COTL1: variants seen among roughly 807,000 people sequenced by gnomAD.
COTL1 encodes coactosin like F-actin binding protein 1, also known as coactosin-like protein.
In COTL1, 15 loss-of-function variants were observed where a neutral mutation model predicts 16.5. The ratio of observed to expected loss-of-function variants is 0.91; its 90% confidence interval spans 0.61 to 1.40. COTL1 has a LOEUF of 1.40. Among genes scored for constraint, COTL1 ranks in the 40% most tolerant of loss-of-function variants. The pLI, the probability that COTL1 is intolerant of heterozygous loss-of-function variation, is 0.00. For synonymous variants in COTL1, 112 were observed against 85.3 expected, an observed-to-expected ratio of 1.31 and a Z score of -1.73; for missense variants, 220 against 201.5, an observed-to-expected ratio of 1.09 and a Z score of -0.56.
At chr16:84,579,823 A>C (rs1031108864) in intron 3 of COTL1, among the ~76,000 whole-genome samples, 1 of 152,194 alleles carries the variant, frequency 6.6e-6, no homozygotes, top group Non-Finnish European at 1.5e-5. Flanking sequence ...GGAAGAGAAG[A>C]GGGGGAGGAA....
intron 3 of COTL1, among the ~76,000 whole-genome samples, chr16:84,583,279 T>A (rs12325555): frequency 6.6e-6 from 1 of 151,990 alleles, no homozygotes; most frequent in Non-Finnish European, 1.5e-5. Flanking sequence ...GAAGGACAAA[T>A]GATTTAATAC....
intron 3 of COTL1, chr16:84,576,465 C>T (rs1904456232): frequency 6.6e-6 from 1 of 152,188 alleles, no homozygotes; most frequent in African/African-American, 2.4e-5. Flanking sequence ...CATTAATAAA[C>T]ACCTGTCATA....
chr16:84,606,770 C>T (rs776941757), intron 2 of COTL1, among the ~76,000 whole-genome samples: 1 of 152,184 alleles, frequency 6.6e-6, no homozygotes, highest in Non-Finnish European at 1.5e-5. Flanking sequence ...GCTACGTGCC[C>T]CCGCCTCCCA....
chr16:84,615,056 G>T (rs1390000821), intron 2 of COTL1, among the ~76,000 whole-genome samples: 1 of 152,226 alleles, frequency 6.6e-6, no homozygotes, highest in Non-Finnish European at 1.5e-5. Context: ...GGCACGTCGA[G>T]CGTGGTGACT....
intron 3 of COTL1, among the ~76,000 whole-genome samples, chr16:84,582,145 C>T (rs1020466070): frequency 6.6e-6 from 1 of 151,832 alleles, no homozygotes; most frequent in African/African-American, 2.4e-5. Flanking sequence ...CAGGCACATG[C>T]CACCATATCC....
intron 3 of COTL1, among the ~76,000 whole-genome samples, chr16:84,570,415 A>G (rs1254029092): frequency 6.6e-6 from 1 of 152,200 alleles, no homozygotes; most frequent in African/African-American, 2.4e-5. Context: ...CAGACAGCAG[A>G]TCTAGTAAAA....
chr16:84,580,442 G>A (rs1904557591), intron 3 of COTL1, among the ~76,000 whole-genome samples: 1 of 152,040 alleles, frequency 6.6e-6, no homozygotes, highest in African/African-American at 2.4e-5. Flanking sequence ...GTAGCAGCAG[G>A]GTCTCACTAT....
At chr16:84,573,586 C>T (rs558916873) in intron 3 of COTL1, among the ~76,000 whole-genome samples, 227 of 152,126 alleles carry the variant, frequency 1.5e-3, no homozygotes, top group African/African-American at 5.2e-3. Context: ...GCCAGCCTGG[C>T]CAACATGGTG....
intron 2 of COTL1, among the ~76,000 whole-genome samples, chr16:84,614,528 G>A (rs1004935607): frequency 3.3e-5 from 5 of 152,096 alleles, no homozygotes; most frequent in Admixed American, 3.3e-4. Flanking sequence ...AGCCTGAGGT[G>A]GGAGGGCCAG....
chr16:84,616,698 C>T (rs1232679834), intron 2 of COTL1, among the ~76,000 whole-genome samples: 1 of 152,052 alleles, frequency 6.6e-6, no homozygotes, highest in Non-Finnish European at 1.5e-5. Context: ...CTGCCACTAC[C>T]GAAGGGTTTA....
intron 2 of COTL1, among the ~76,000 whole-genome samples, chr16:84,592,449 G>A (rs1227128811): frequency 6.6e-6 from 1 of 152,064 alleles, no homozygotes; most frequent in East Asian, 1.9e-4. Context: ...TGATATCGTA[G>A]AGCGATATGT....
Position 84,617,491 on chromosome 16 carries a change from G to C in COTL1, c.160+10C>G. ...GACCGCGCATCCGCCCGGCAGGCGCGCCTCCCTACCTGTGCACTGCTGGAT... is the reference window on the plus strand; with the variant it reads ...GACCGCGCATCCGCCCGGCAGGCGCCCCTCCCTACCTGTGCACTGCTGGAT... On this transcript the variant is annotated intron_variant, in intron 2 of 3. Transcript: ENST00000262428. 1 of 1,548,622 alleles carries C rather than the reference G, an allele frequency of 6.5e-7. No individual in the cohort carries two copies. Among genetic ancestry groups the C allele is most frequent in the Non-Finnish European group, 8.7e-7 (1 of 1,145,414 alleles).
At chr16:84,607,743 G>T (rs1257414789) in intron 2 of COTL1, among the ~76,000 whole-genome samples, 1 of 152,058 alleles carries the variant, frequency 6.6e-6, no homozygotes, top group Non-Finnish European at 1.5e-5. Flanking sequence ...TGACCTGAAG[G>T]TTAGAAAGCC....
chr16:84,613,248 C>A (rs186261222), intron 2 of COTL1, among the ~76,000 whole-genome samples: 90 of 152,252 alleles, frequency 5.9e-4, no homozygotes, highest in African/African-American at 2.0e-3. Flanking sequence ...GATCCACCTG[C>A]CTTGGCCTCC....
intron 2 of COTL1, among the ~76,000 whole-genome samples, chr16:84,598,082 G>A (rs1045218576): frequency 2.0e-5 from 3 of 152,202 alleles, no homozygotes; most frequent in Non-Finnish European, 4.4e-5. Flanking sequence ...TCCTGAGGAC[G>A]GTGGTTTCCT....
At chr16:84,579,318 A>G (rs576263787) in intron 3 of COTL1, among the ~76,000 whole-genome samples, 1 of 152,304 alleles carries the variant, frequency 6.6e-6, no homozygotes, top group South Asian at 2.1e-4. Flanking sequence ...CCAACATGGC[A>G]TCTCTATTAA....
intron 2 of COTL1, among the ~76,000 whole-genome samples, chr16:84,599,741 G>C (rs1278123697): frequency 1.3e-5 from 2 of 152,172 alleles, no homozygotes; most frequent in Non-Finnish European, 2.9e-5. Flanking sequence ...ACTCCGGAGA[G>C]GTTATGCAAA....
At position 84,590,384 on chromosome 16, in the gene COTL1, T is replaced by A. The variant is rs1469776407; in HGVS notation, c.161-122A>T. Reference sequence around the variant, plus strand: ...CAGCACAGCAGGAGACCGGTGCAGTTCCCTGGGAGCACCATGTGCAGAGGA... The same window carrying A: ...CAGCACAGCAGGAGACCGGTGCAGTACCCTGGGAGCACCATGTGCAGAGGA... On this transcript the variant is annotated intron_variant, in intron 2 of 3. Coordinates refer to ENST00000262428, the MANE Select transcript of COTL1 (RefSeq NM_021149.5). The surrounding 1 kb of genome is among the most constrained non-coding windows in gnomAD (Gnocchi z 5.5). The A allele has an allele frequency of 9.2e-7, 1 of 1,089,254 alleles. No individual in the cohort carries two copies. The highest frequency in any genetic ancestry group is 1.6e-5 in the African/African-American group (1 of 64,300). 67.5% of individuals were successfully genotyped at this position (1,089,254 alleles called of 1,614,324 possible). A position where few individuals can be genotyped will look rare whatever the true frequency, so the allele number is the denominator to read the frequency against.
chr16:84,568,118 C>T (rs1363673663), intron 3 of COTL1: 1 of 152,248 alleles, frequency 6.6e-6, no homozygotes, highest in African/African-American at 2.4e-5. Context: ...ATGTCTCAGC[C>T]TCCCAAGTAG....
Sources: gnomAD v4.1 joint callset for allele counts (sites outside exome capture counted in the v4.1 genomes callset) on GRCh38, gnomAD v4.1.1 for gene constraint, Gnocchi (gnomAD v3.1) non-coding constraint, MANE v1.5 for transcripts, NCBI Gene and HGNC (gene_info 2026-07-23, HGNC 2026-07-21) for gene names.